The following PEBP4 variants were observed in gnomAD, a reference collection of about 807,000 sequenced individuals.
PEBP4 encodes phosphatidylethanolamine binding protein 4, also known as phosphatidylethanolamine-binding protein 4.
PEBP4 carries 22 observed loss-of-function variants against 23.9 expected under a neutral mutation model. That is an observed-to-expected ratio of 0.92 (90% confidence interval 0.66 to 1.31). PEBP4 has a LOEUF of 1.31. PEBP4 is among the 40% of genes most tolerant of loss of function. PEBP4 has a pLI of 0.00. For synonymous variants in PEBP4, 112 were observed against 99.3 expected (o/e 1.13, Z -0.76); for missense variants, 324 against 281.7 (o/e 1.15, Z -1.07).
At chr8:22,845,831 C>G (rs1029705601) in intron 3 of PEBP4, among the ~76,000 whole-genome samples, 3 of 152,360 alleles carry the variant, frequency 2.0e-5, no homozygotes, top group African/African-American at 7.2e-5. Flanking sequence ...GCAGGCTCAT[C>G]TGGACAAGCT....
At chr8:22,853,625 A>G (rs949529711) in intron 3 of PEBP4, among the ~76,000 whole-genome samples, 4 of 152,158 alleles carry the variant, frequency 2.6e-5, no homozygotes, top group Non-Finnish European at 4.4e-5. Flanking sequence ...TTTCAATTCT[A>G]CAACTTGCCT....
At chr8:22,878,004 G>A (rs569494762) in intron 3 of PEBP4, 3 of 152,824 alleles carry the variant, frequency 2.0e-5, no homozygotes, top group South Asian at 2.1e-4. Flanking sequence ...AGGAGGCAGG[G>A]AAGAAGGCAA....
At chr8:22,878,749 C>G (rs952353851) in intron 3 of PEBP4, among the ~76,000 whole-genome samples, 1 of 152,146 alleles carries the variant, frequency 6.6e-6, no homozygotes, top group Non-Finnish European at 1.5e-5. Flanking sequence ...GCTCAGGGAA[C>G]AGAGAGCAAA....
intron 3 of PEBP4, among the ~76,000 whole-genome samples, chr8:22,875,868 C>G (rs539846513): frequency 6.6e-6 from 1 of 152,046 alleles, no homozygotes. Context: ...AATGCTCTTT[C>G]TAGATTTAGA....
chr8:22,878,638 C>T lies in PEBP4; in HGVS notation c.258+41546G>A, dbSNP rs569515289. 3.3e-5 allele frequency among the ~76,000 whole-genome samples: 5 copies of T among 152,286 alleles called. No individual in the cohort carries two copies. In the South Asian group the frequency reaches 1.0e-3, roughly 32 times the overall value. Reference sequence around the variant, plus strand: ...ACTCTGGCCTCCTTCCTCTGGGATGCTCACTCGGACTCTGCTACTGGCCAG... The same window carrying T: ...ACTCTGGCCTCCTTCCTCTGGGATGTTCACTCGGACTCTGCTACTGGCCAG... On this transcript the variant is annotated intron_variant, in intron 3 of 6. Transcript: ENST00000256404.
At chr8:22,724,245 C>A (rs535263803) in intron 6 of PEBP4, among the ~76,000 whole-genome samples, 6 of 152,142 alleles carry the variant, frequency 3.9e-5, no homozygotes, top group Admixed American at 3.9e-4. Context: ...GCTCCCTGGC[C>A]CTGGTGGCAG....
chr8:22,760,870 C>T lies in PEBP4; in HGVS notation c.358-33650G>A, dbSNP rs145905879. ...GGTTCCCCTGAAGGCGAGGTCTAGACCAGGTGACCTTGAACGTGTCTCTGA... is the reference window on the plus strand; with the variant it reads ...GGTTCCCCTGAAGGCGAGGTCTAGATCAGGTGACCTTGAACGTGTCTCTGA... On this transcript the variant is annotated intron_variant, in intron 4 of 6. Coordinates refer to ENST00000256404, the MANE Select transcript of PEBP4 (RefSeq NM_144962.3). 1.3e-3 allele frequency among the ~76,000 whole-genome samples: 205 copies of T among 152,278 alleles called. 2 individuals carry two copies. Among genetic ancestry groups the T allele is most frequent in the Middle Eastern group, 6.8e-3 (2 of 294 alleles).
upstream of PEBP4, among the ~76,000 whole-genome samples, chr8:22,928,265 G>A (rs577398619): frequency 5.2e-4 from 79 of 152,352 alleles, no homozygotes; most frequent in Non-Finnish European, 9.0e-4. Flanking sequence ...CTTCCCCAAG[G>A]TGGAGGTGGT....
chr8:22,894,034 A>G (rs1481984443), intron 3 of PEBP4, among the ~76,000 whole-genome samples: 1 of 152,196 alleles, frequency 6.6e-6, no homozygotes, highest in Non-Finnish European at 1.5e-5. Flanking sequence ...AAAACCAGTG[A>G]AGATGAGAGC....
intron 3 of PEBP4, among the ~76,000 whole-genome samples, chr8:22,842,463 G>A (rs1272233267): frequency 6.6e-6 from 1 of 152,194 alleles, no homozygotes; most frequent in Non-Finnish European, 1.5e-5. Context: ...AATATTAAGT[G>A]CATATTCTGA....
chr8:22,752,477 T>C (rs1348533892), intron 4 of PEBP4, among the ~76,000 whole-genome samples: 2 of 152,196 alleles, frequency 1.3e-5, no homozygotes, highest in Non-Finnish European at 2.9e-5. Flanking sequence ...TCCACACCCT[T>C]GGTTAACGGG....
intron 4 of PEBP4, among the ~76,000 whole-genome samples, chr8:22,810,743 A>AGT (rs1806607866): frequency 6.6e-6 from 1 of 151,248 alleles, no homozygotes; most frequent in African/African-American, 2.4e-5. Flanking sequence ...AGAAAGAAAG[A>AGT]GTGAGTTTTC....
chr8:22,934,301 C>T (rs969726197), intron 1 of PEBP4, among the ~76,000 whole-genome samples: 2 of 152,102 alleles, frequency 1.3e-5, no homozygotes, highest in African/African-American at 2.4e-5. Context: ...ACATCGGTAA[C>T]ACAAAATGGG....
chr8:22,842,976 C>T (rs1291861117), intron 3 of PEBP4, among the ~76,000 whole-genome samples: 3 of 152,148 alleles, frequency 2.0e-5, no homozygotes, highest in South Asian at 2.1e-4. Flanking sequence ...TACAGGCGCC[C>T]GCCAACACAT....
At chr8:22,936,036 C>T (rs1423325411) in intron 1 of PEBP4, among the ~76,000 whole-genome samples, 1 of 138,194 alleles carries the variant, frequency 7.2e-6, no homozygotes, top group African/African-American at 2.7e-5. Context: ...AAAAAAAGAA[C>T]AAGATAACCC....
chr8:22,930,013 G>A (rs1234729368), upstream of PEBP4, among the ~76,000 whole-genome samples: 3 of 152,250 alleles, frequency 2.0e-5, no homozygotes, highest in African/African-American at 4.8e-5. Context: ...CAGAGTCCAC[G>A]CTCTTAACCA....
chr8:22,843,422 G>A (rs1164564967), intron 3 of PEBP4, among the ~76,000 whole-genome samples: 1 of 152,230 alleles, frequency 6.6e-6, no homozygotes, highest in Non-Finnish European at 1.5e-5. Context: ...AGTGGGACAT[G>A]TATAGAATGA....
chr8:22,855,294 G>A (rs1807622581), intron 3 of PEBP4, among the ~76,000 whole-genome samples: 1 of 152,212 alleles, frequency 6.6e-6, no homozygotes, highest in Admixed American at 6.5e-5. Context: ...GCTCCTGGGA[G>A]AGGGATGCTT....
chr8:22,728,543 C>CCTTTCTTTCTTTCTTTCTTT (rs142257916), intron 4 of PEBP4, among the ~76,000 whole-genome samples: 4 of 115,344 alleles, frequency 3.5e-5, no homozygotes, highest in Admixed American at 1.8e-4. Context: ...TTTCTTCCTT[C>CCTTTCTTTCTTTCTTTCTTT]CTTTCTTTCT....
Sources: gnomAD v4.1 joint callset for allele counts (sites outside exome capture counted in the v4.1 genomes callset) on GRCh38, gnomAD v4.1.1 for gene constraint, MANE v1.5 for transcripts, NCBI Gene and HGNC (gene_info 2026-07-23, HGNC 2026-07-21) for gene names.